CDH18: variants seen among roughly 807,000 people sequenced by gnomAD.
The protein encoded by CDH18 is cadherin 18, also known as cadherin-18.
In CDH18, 31 loss-of-function variants were observed where a neutral mutation model predicts 67.9. That is an observed-to-expected ratio of 0.46 (90% CI 0.34 to 0.62). The LOEUF is 0.62. Ranked by LOEUF, CDH18 falls within the 20% of genes least tolerant of loss-of-function variation. The pLI, the probability that CDH18 is intolerant of heterozygous loss-of-function variation, is 0.01. For missense variants in CDH18, 890 were observed against 975.5 expected (o/e 0.91, Z 1.17); for synonymous variants, 362 against 347.2 (o/e 1.04, Z -0.48).
chr5:20,449,347 G>C (rs1333792245), intron 1 of CDH18, among the ~76,000 whole-genome samples: 1 of 151,896 alleles, frequency 6.6e-6, no homozygotes, highest in Non-Finnish European at 1.5e-5. Flanking sequence ...TTATGGTAAG[G>C]CTAAAAAGAA....
chr5:19,762,229 A>T (rs980793991), intron 3 of CDH18, among the ~76,000 whole-genome samples: 2 of 152,226 alleles, frequency 1.3e-5, no homozygotes, highest in African/African-American at 2.4e-5. Flanking sequence ...AACAAAAGAC[A>T]AAATAGACAA....
intron 3 of CDH18, among the ~76,000 whole-genome samples, chr5:19,824,900 T>C (rs1427622772): frequency 6.6e-6 from 1 of 152,172 alleles, no homozygotes. Context: ...GGGTACAACC[T>C]TCTATTGTCC....
At chr5:19,663,656 T>C (rs1401217469) in intron 5 of CDH18, among the ~76,000 whole-genome samples, 3 of 152,022 alleles carry the variant, frequency 2.0e-5, no homozygotes, top group African/African-American at 7.2e-5. Context: ...TCCTGCTGGA[T>C]GATTTCACTT....
chr5:20,490,228 A>G (rs1185232078), intron 1 of CDH18, among the ~76,000 whole-genome samples: 3 of 152,098 alleles, frequency 2.0e-5, no homozygotes, highest in Non-Finnish European at 4.4e-5. Flanking sequence ...AAGGCTTTAC[A>G]GATTTATGGC....
At chr5:20,182,597 CAAAAAAAAAAAA>C (rs778083062) in intron 2 of CDH18, among the ~76,000 whole-genome samples, 2 of 47,426 alleles carry the variant, frequency 4.2e-5, no homozygotes, top group South Asian at 1.0e-3. Context: ...AGCTAAATCT[CAAAAAAAAAAAA>C]AAAAAAAAAA....
rs1012757757 is a variant in CDH18 at position 19,571,252 on chromosome 5, C to A, written c.1253+327G>T. Among the ~76,000 whole-genome samples, 4 of 152,170 alleles carry A rather than the reference C, an allele frequency of 2.6e-5. No individual in the cohort carries two copies. The East Asian group carries it at 5.8e-4, about 22-fold the overall frequency. ...TTTGTACTATATCTATACTTCCTATCATTAAGGGAGCAATAGATTCTCTAG... is the reference window on the plus strand; with the variant it reads ...TTTGTACTATATCTATACTTCCTATAATTAAGGGAGCAATAGATTCTCTAG... On this transcript the variant is annotated intron_variant, in intron 8 of 12. Coordinates refer to ENST00000382275, the MANE Select transcript of CDH18 (RefSeq NM_004934.5).
intron 5 of CDH18, among the ~76,000 whole-genome samples, chr5:19,688,869 G>C (rs1055408812): frequency 2.0e-5 from 3 of 151,824 alleles, no homozygotes; most frequent in African/African-American, 7.3e-5. Flanking sequence ...AGAAATCCCA[G>C]AAATGAAGAA....
At chr5:20,107,383 T>C (rs973760896) in intron 2 of CDH18, among the ~76,000 whole-genome samples, 5 of 152,220 alleles carry the variant, frequency 3.3e-5, no homozygotes, top group African/African-American at 9.6e-5. Flanking sequence ...CTCTCTCTTA[T>C]AACTTTCCTG....
intron 2 of CDH18, among the ~76,000 whole-genome samples, chr5:19,901,456 T>C (rs532290252): frequency 5.0e-4 from 76 of 152,110 alleles, no homozygotes; most frequent in Non-Finnish European, 9.3e-4. Flanking sequence ...TTCCTTACAT[T>C]AATTACATTG....
intron 8 of CDH18, among the ~76,000 whole-genome samples, chr5:19,558,381 A>G (rs181800476): frequency 1.3e-3 from 202 of 152,260 alleles, no homozygotes; most frequent in African/African-American, 4.7e-3. Context: ...AAAGATAAAT[A>G]AAAATGATAG....
Position 19,573,094 on chromosome 5 carries a change from T to C in CDH18, c.1000-1262A>G, listed in dbSNP as rs201058274. Among the ~76,000 whole-genome samples the C allele has an allele frequency of 2.9e-4, 44 of 152,324 alleles. No homozygotes were observed. The East Asian group carries it at 6.0e-3, about 21-fold the overall frequency. On this transcript the variant is annotated intron_variant, in intron 7 of 12. Transcript: ENST00000382275. The stretch of plus-strand genomic sequence containing the variant: ...GTTTCCAAAAAAATATGTATCTTTA[T>C]ATCTTAAAAAATTCAAATTATCAGA...
At chr5:19,784,315 C>G (rs557203309) in intron 3 of CDH18, among the ~76,000 whole-genome samples, 2 of 152,204 alleles carry the variant, frequency 1.3e-5, no homozygotes, top group East Asian at 3.9e-4. Flanking sequence ...TTCTAGAAAA[C>G]AAGAAATCCT....
At chr5:19,685,140 A>G (rs1760897258) in intron 5 of CDH18, among the ~76,000 whole-genome samples, 1 of 152,206 alleles carries the variant, frequency 6.6e-6, no homozygotes, top group African/African-American at 2.4e-5. Context: ...TCAGAAGCAG[A>G]TATTTATACT....
At chr5:19,548,279 A>T (rs894785881) in intron 8 of CDH18, among the ~76,000 whole-genome samples, 3 of 143,908 alleles carry the variant, frequency 2.1e-5, no homozygotes, top group East Asian at 2.1e-4. Context: ...CTAATCATAA[A>T]ACCCGTGGAA....
chr5:20,236,808 G>A (rs1742506832), intron 2 of CDH18, among the ~76,000 whole-genome samples: 1 of 151,994 alleles, frequency 6.6e-6, no homozygotes, highest in South Asian at 2.1e-4. Flanking sequence ...ATTTGAGAGT[G>A]ATTATTCCTC....
intron 1 of CDH18, among the ~76,000 whole-genome samples, chr5:20,413,642 C>T (rs1746997045): frequency 6.6e-6 from 1 of 152,136 alleles, no homozygotes; most frequent in Admixed American, 6.6e-5. Context: ...ATCCTTTGCC[C>T]ACTTTTTGTT....
At chr5:20,538,067 C>T (rs1756828596) in intron 1 of CDH18, among the ~76,000 whole-genome samples, 1 of 149,334 alleles carries the variant, frequency 6.7e-6, no homozygotes, top group Non-Finnish European at 1.5e-5. Flanking sequence ...GACCCATAAG[C>T]TCAGAATTAT....
chr5:20,064,694 C>T (rs535088680), intron 2 of CDH18, among the ~76,000 whole-genome samples: 31 of 151,960 alleles, frequency 2.0e-4, no homozygotes, highest in African/African-American at 3.1e-4. Flanking sequence ...ACCAATTAAA[C>T]GCCGATTCTC....
intron 1 of CDH18, among the ~76,000 whole-genome samples, chr5:20,487,551 T>G (rs1440738222): frequency 6.6e-6 from 1 of 151,082 alleles, no homozygotes; most frequent in African/African-American, 2.4e-5. Flanking sequence ...TACAACTTAT[T>G]ATATGTTCAT....
Sources: allele counts gnomAD v4.1 joint callset (sites outside exome capture counted in the v4.1 genomes callset), GRCh38; gene constraint gnomAD v4.1.1; transcripts MANE v1.5; gene names NCBI Gene and HGNC (gene_info 2026-07-23, HGNC 2026-07-21).